Variants in GARIN1B observed in about 807,000 individuals in gnomAD.
GARIN1B encodes the protein golgi associated RAB2 interactor 1B.
chr7:128,718,004 C>G, the GARIN1B span, among the ~76,000 whole-genome samples: 1 of 152,156 alleles, frequency 6.6e-6, no homozygotes, highest in Admixed American at 6.6e-5. Flanking sequence ...GCAAGTACCA[C>G]CCAGTCCCAG....
chr7:128,717,490 A>G, the GARIN1B span, among the ~76,000 whole-genome samples: 2 of 144,232 alleles, frequency 1.4e-5, no homozygotes, highest in South Asian at 4.4e-4. Flanking sequence ...ACTATCGCCC[A>G]GGCTGGAGTA....
chr7:128,731,103 A>G, the GARIN1B span: 1 of 1,611,946 alleles, frequency 6.2e-7, no homozygotes. Context: ...CTCACAGGAA[A>G]TTCTATTTGA....
At chr7:128,722,272 A>G in the GARIN1B span, among the ~76,000 whole-genome samples, 43,847 of 152,020 alleles carry the variant, frequency 0.29, 6,612 homozygotes, top group East Asian at 0.38. Flanking sequence ...GTCTGGCTTC[A>G]GCTACAACAG....
the GARIN1B span, chr7:128,717,052 T>G: frequency 3.1e-4 from 460 of 1,490,334 alleles, 4 homozygotes; most frequent in East Asian, 0.011. Context: ...GGATGCAAAG[T>G]GGAGGTTGCT....
the GARIN1B span, chr7:128,719,217 TTTAGAACA>T: frequency 1.4e-6 from 1 of 690,176 alleles, no homozygotes; most frequent in South Asian, 3.3e-5. Context: ...TTGAGTATCA[TTTAGAACA>T]ATAAAATCCA....
the GARIN1B span, chr7:128,715,530 T>C: frequency 6.2e-7 from 1 of 1,614,126 alleles, no homozygotes; most frequent in Non-Finnish European, 8.5e-7. Flanking sequence ...TTCCCTTCCC[T>C]GAATGCCTGG....
At chr7:128,716,913 T>G in the GARIN1B span, 1 of 1,613,854 alleles carries the variant, frequency 6.2e-7, no homozygotes, top group Non-Finnish European at 8.5e-7. Flanking sequence ...CCCAACATCC[T>G]ACTCATGGCC....
the GARIN1B span, chr7:128,716,834 A>G: frequency 1.2e-6 from 2 of 1,611,800 alleles, no homozygotes; most frequent in Non-Finnish European, 1.7e-6. Flanking sequence ...CAGGAATTGG[A>G]GAGACGTCTA....
At chr7:128,717,013 G>A in the GARIN1B span, 150 of 1,588,854 alleles carry the variant, frequency 9.4e-5, no homozygotes, top group Non-Finnish European at 1.2e-4. Context: ...CAATGCAGAT[G>A]AGAATGGAGG....
chr7:128,727,310 C>T, the GARIN1B span, among the ~76,000 whole-genome samples: 1 of 152,180 alleles, frequency 6.6e-6, no homozygotes, highest in Non-Finnish European at 1.5e-5. Flanking sequence ...CCCCGAATTA[C>T]AAAATGTCTC....
chr7:128,715,801 G>T, the GARIN1B span: 2 of 1,003,214 alleles, frequency 2.0e-6, no homozygotes, highest in Non-Finnish European at 3.0e-6. Flanking sequence ...ATTGAGGCAA[G>T]GAGAAGCTAG....
the GARIN1B span, among the ~76,000 whole-genome samples, chr7:128,710,365 TG>T: frequency 5.3e-5 from 8 of 152,242 alleles, no homozygotes; most frequent in Non-Finnish European, 1.0e-4. Context: ...GGACTTTTTT[TG>T]GTTTGTTTCA....
the GARIN1B span, among the ~76,000 whole-genome samples, chr7:128,714,516 T>G: frequency 6.6e-6 from 1 of 151,766 alleles, no homozygotes; most frequent in Admixed American, 6.6e-5. Flanking sequence ...AGGCAGAGGT[T>G]GTGGTGAGCC....
the GARIN1B span, chr7:128,725,041 A>G: frequency 3.3e-6 from 1 of 306,508 alleles, no homozygotes; most frequent in African/African-American, 2.2e-5. Flanking sequence ...CCAAGCACTT[A>G]GAATGCTACT....
chr7:128,710,322 C>A, the GARIN1B span, among the ~76,000 whole-genome samples: 3 of 152,206 alleles, frequency 2.0e-5, no homozygotes, highest in African/African-American at 7.2e-5. Flanking sequence ...ACTTTACCTG[C>A]AATATAGTAC....
the GARIN1B span, chr7:128,729,807 T>C: frequency 1.5e-6 from 2 of 1,329,566 alleles, no homozygotes; most frequent in Non-Finnish European, 2.1e-6. Flanking sequence ...GAATGGTGCC[T>C]GGCACATCGT....
At chr7:128,710,164 C>T in the GARIN1B span, among the ~76,000 whole-genome samples, 20 of 152,192 alleles carry the variant, frequency 1.3e-4, no homozygotes, top group Non-Finnish European at 2.5e-4. Context: ...ATCTGCCCGC[C>T]TCAGCCTCCC....
At chr7:128,711,816 G>T in the GARIN1B span, among the ~76,000 whole-genome samples, 1 of 152,140 alleles carries the variant, frequency 6.6e-6, no homozygotes, top group Non-Finnish European at 1.5e-5. Flanking sequence ...CAAGGTGCGT[G>T]GATTGCTTGA....
the GARIN1B span, chr7:128,715,438 A>T: frequency 6.2e-7 from 1 of 1,613,754 alleles, no homozygotes; most frequent in South Asian, 1.1e-5. Context: ...GAGCATGTGT[A>T]GAAATGTTGT....
Sources: allele counts gnomAD v4.1 joint callset (sites outside exome capture counted in the v4.1 genomes callset), GRCh38; gene constraint gnomAD v4.1.1; transcripts MANE v1.5; gene names NCBI Gene and HGNC (gene_info 2026-07-23, HGNC 2026-07-21).